The following SLC14A2 variants were observed in gnomAD, a reference collection of about 807,000 sequenced individuals.
SLC14A2 encodes solute carrier family 14 member 2.
A neutral mutation model predicts 104.6 loss-of-function variants in SLC14A2; 91 were observed. The ratio of observed to expected loss-of-function variants is 0.87; its 90% CI spans 0.73 to 1.04. The LOEUF (loss-of-function observed/expected upper bound fraction) is 1.04. Ranked by LOEUF, SLC14A2 falls within the 50% of genes least tolerant of loss-of-function variation. The pLI, the probability that SLC14A2 is intolerant of heterozygous loss-of-function variation, is 0.00. For missense variants in SLC14A2, 1,189 were observed against 1,156.0 expected, an observed-to-expected ratio of 1.03 and a Z score of -0.41; for synonymous variants, 476 against 466.4, an observed-to-expected ratio of 1.02 and a Z score of -0.27.
intron 1 of SLC14A2, among the ~76,000 whole-genome samples, chr18:45,416,582 C>T (rs1368846290): frequency 6.6e-6 from 1 of 151,992 alleles, no homozygotes; most frequent in Non-Finnish European, 1.5e-5. Context: ...TTCCAGTGAT[C>T]TTTGGTCTTT....
chr18:45,442,575 C>A (rs529431284), intron 1 of SLC14A2, among the ~76,000 whole-genome samples: 2 of 151,980 alleles, frequency 1.3e-5, no homozygotes, highest in Non-Finnish European at 2.9e-5. Flanking sequence ...AGGAGCCCAC[C>A]CTACTCCATT....
chr18:45,174,611 G>A, the SLC14A2 span, among the ~76,000 whole-genome samples: 3 of 152,204 alleles, frequency 2.0e-5, no homozygotes, highest in Middle Eastern at 3.4e-3. Context: ...TCTAATAATA[G>A]TCTCATGTAC....
At chr18:45,416,306 G>A (rs1011369440) in intron 1 of SLC14A2, among the ~76,000 whole-genome samples, 13 of 145,014 alleles carry the variant, frequency 9.0e-5, no homozygotes, top group African/African-American at 2.3e-4. Context: ...AGATTTATGA[G>A]CATTGTGAAC....
At chr18:45,445,338 C>T (rs1426840462) in intron 1 of SLC14A2, among the ~76,000 whole-genome samples, 5 of 152,116 alleles carry the variant, frequency 3.3e-5, no homozygotes, top group South Asian at 2.1e-4. Context: ...TCTCGAACTC[C>T]TGACCTCATG....
At chr18:45,413,848 G>A (rs2086240306) in intron 1 of SLC14A2, among the ~76,000 whole-genome samples, 1 of 152,060 alleles carries the variant, frequency 6.6e-6, no homozygotes, top group South Asian at 2.1e-4. Flanking sequence ...TATAAAATAA[G>A]GTAACCATAG....
chr18:45,458,128 G>A (rs1248815472), intron 1 of SLC14A2, among the ~76,000 whole-genome samples: 2 of 152,254 alleles, frequency 1.3e-5, no homozygotes, highest in African/African-American at 4.8e-5. Context: ...GATAGACAGA[G>A]AAGAAATGCC....
intron 2 of SLC14A2, among the ~76,000 whole-genome samples, chr18:45,544,814 C>T (rs1381277825): frequency 7.2e-5 from 5 of 69,740 alleles, no homozygotes; most frequent in African/African-American, 2.9e-4. Flanking sequence ...TTTTTTGAGA[C>T]GGAGTTTCAT....
intron 1 of SLC14A2, among the ~76,000 whole-genome samples, chr18:45,309,677 T>TA (rs973642634): frequency 7.2e-5 from 11 of 152,044 alleles, no homozygotes; most frequent in South Asian, 2.1e-4. Flanking sequence ...TTTTCTTTTT[T>TA]AAAAAAAATT....
intron 1 of SLC14A2, among the ~76,000 whole-genome samples, chr18:45,428,653 T>A (rs1254170803): frequency 6.6e-6 from 1 of 152,194 alleles, no homozygotes; most frequent in Non-Finnish European, 1.5e-5. Context: ...AGGAGGGAAC[T>A]ATGTCAAAGT....
chr18:45,241,143 G>T (rs1485785743), intron 1 of SLC14A2, among the ~76,000 whole-genome samples: 2 of 152,206 alleles, frequency 1.3e-5, no homozygotes, highest in Admixed American at 6.5e-5. Context: ...AACTCCCCTG[G>T]CATGGCTGCA....
intron 18 of SLC14A2, among the ~76,000 whole-genome samples, chr18:45,675,015 C>T (rs1225428873): frequency 6.6e-6 from 1 of 152,204 alleles, no homozygotes; most frequent in Non-Finnish European, 1.5e-5. Context: ...GGTCTTCCTC[C>T]ATCCGAACTC....
intron 1 of SLC14A2, among the ~76,000 whole-genome samples, chr18:45,263,743 C>T (rs2144104406): frequency 1.3e-5 from 2 of 152,304 alleles, no homozygotes; most frequent in South Asian, 4.1e-4. Context: ...TTGAGAGCTC[C>T]TTCAGGTTGG....
At chr18:45,389,570 A>C (rs35811784) in intron 1 of SLC14A2, among the ~76,000 whole-genome samples, 2,676 of 152,320 alleles carry the variant, frequency 0.018, 46 homozygotes, top group Middle Eastern at 0.027. Context: ...GATTAAGTTA[A>C]TAGGTTAAAA....
At chr18:45,602,957 A>G (rs983019917) in intron 2 of SLC14A2, among the ~76,000 whole-genome samples, 1 of 152,250 alleles carries the variant, frequency 6.6e-6, no homozygotes, top group Non-Finnish European at 1.5e-5. Flanking sequence ...AAAATAAAAA[A>G]TCAAGATAAA....
chr18:45,178,283 C>G, the SLC14A2 span, among the ~76,000 whole-genome samples: 1 of 152,042 alleles, frequency 6.6e-6, no homozygotes, highest in African/African-American at 2.4e-5. Flanking sequence ...GTTTTGCATT[C>G]TTAAGCACTA....
intron 4 of SLC14A2, 93 bp from the exon 5 acceptor site, chr18:45,632,257 C>A (rs2045357007): frequency 6.9e-7 from 1 of 1,457,474 alleles, no homozygotes; most frequent in Non-Finnish European, 9.3e-7. Flanking sequence ...TTAAAGGAAT[C>A]ATCTAAATTA....
chr18:45,518,769 G>GA (rs759589771), intron 2 of SLC14A2, among the ~76,000 whole-genome samples: 70 of 152,134 alleles, frequency 4.6e-4, no homozygotes, highest in Non-Finnish European at 6.5e-4. Flanking sequence ...TCTTTTCTTA[G>GA]AAAAAAAGAG....
intron 1 of SLC14A2, among the ~76,000 whole-genome samples, chr18:45,243,489 C>T (rs201796583): frequency 6.6e-6 from 1 of 152,180 alleles, no homozygotes; most frequent in East Asian, 1.9e-4. Context: ...CACATGGATG[C>T]TCACAAGGAC....
intron 5 of SLC14A2, 152 bp downstream of exon 5, chr18:45,632,630 C>A: frequency 1.3e-6 from 1 of 773,176 alleles, no homozygotes; most frequent in Non-Finnish European, 2.1e-6. Flanking sequence ...CATGAGTTCT[C>A]TTGTAACACA....
Sources: gnomAD v4.1 joint callset for allele counts (sites outside exome capture counted in the v4.1 genomes callset) on GRCh38, gnomAD v4.1.1 for gene constraint, MANE v1.5 for transcripts, NCBI Gene and HGNC (gene_info 2026-07-23, HGNC 2026-07-21) for gene names.